The following DNAH2 variants were observed in gnomAD, a reference collection of about 807,000 sequenced individuals.
DNAH2 encodes dynein axonemal heavy chain 2, also known as axonemal beta dynein heavy chain 2.
DNAH2 carries 323 observed loss-of-function variants against 523.5 expected under a neutral mutation model. The observed-to-expected ratio is 0.62, with a 90% CI of 0.56 to 0.68. The LOEUF (loss-of-function observed/expected upper bound fraction) is 0.68. Among genes scored for constraint, DNAH2 ranks in the 30% least tolerant of loss-of-function variants. DNAH2 has a pLI of 0.00. For synonymous variants in DNAH2, 2,093 were observed against 2,177.4 expected (o/e 0.96, Z 1.08); for missense variants, 4,907 against 5,701.5 (o/e 0.86, Z 4.49).
Position 7,758,363 on chromosome 17 carries a change from A to G in DNAH2, c.2052-132A>G, listed in dbSNP as rs1003296418. 5 of 1,160,952 alleles carry G rather than the reference A, an allele frequency of 4.3e-6. No individual in the cohort carries two copies. The African/African-American group carries it at 6.3e-5, about 15-fold the overall frequency. The allele number at this position is 1,160,952 out of a possible 1,614,324, so 71.9% of individuals were successfully genotyped here. On this transcript the variant is annotated intron_variant, in intron 13 of 85. Coordinates refer to ENST00000572933, the MANE Select transcript of DNAH2 (RefSeq NM_020877.5). ...CATTGCAAAAAGTTCTTTTGGAAGT[A>G]CTAGTCTAGAATCTAGTCTAGAATC...
rs1195211527 is a variant in DNAH2, at chr17:7,792,859, T to G, written c.7344+4T>G. On this transcript the variant is annotated splice_donor_region_variant and intron_variant, in intron 47 of 85. Transcript: ENST00000572933. ...CGTTGTCAACATGTCCGCACAGGTG[T>G]GTCGGGGATCCAGGGGCCAGGCTGC... 6.2e-7 allele frequency: 1 copy of G among 1,609,412 alleles called. No individual in the cohort carries two copies. Among genetic ancestry groups the G allele is most frequent in the Non-Finnish European group, 8.5e-7 (1 of 1,176,068 alleles).
chr17:7,719,348 C>T (rs1007863165), intron 1 of DNAH2, among the ~76,000 whole-genome samples: 2 of 152,068 alleles, frequency 1.3e-5, no homozygotes, highest in African/African-American at 2.4e-5. Context: ...AGGCTGGTCT[C>T]GAACTCCTGA....
At chr17:7,770,503 T>C in intron 25 of DNAH2, 54 bp from the exon 26 acceptor site, 2 of 1,613,322 alleles carry the variant, frequency 1.2e-6, no homozygotes, top group Non-Finnish European at 8.5e-7. Context: ...TCAGCTCCTG[T>C]TCCCCTTAGT....
intron 4 of DNAH2, among the ~76,000 whole-genome samples, chr17:7,732,241 C>T (rs1414999958): frequency 6.6e-6 from 1 of 151,602 alleles, no homozygotes; most frequent in Non-Finnish European, 1.5e-5. Context: ...TTGAGACCAG[C>T]CTGGCCAACC....
At chr17:7,783,504 A>G (rs1370152273) in intron 39 of DNAH2, among the ~76,000 whole-genome samples, 2 of 152,028 alleles carry the variant, frequency 1.3e-5, no homozygotes, top group Admixed American at 6.6e-5. Flanking sequence ...TGGGGGCAAA[A>G]CAAAAACAAA....
rs773894567 is a variant in DNAH2 at position 7,719,811 on chromosome 17, C to T, written c.77C>T (p.Thr26Ile). The T allele has an allele frequency of 3.7e-6, 6 of 1,613,018 alleles. No homozygotes were observed. Among genetic ancestry groups the T allele is most frequent in the Non-Finnish European group, 5.1e-6 (6 of 1,179,532 alleles). ...CAGGCAAGCTGGTCAGGGCGGGCCACTCGGGCTGCTGTGGCCACACAGGAG... is the reference window on the plus strand; with the variant it reads ...CAGGCAAGCTGGTCAGGGCGGGCCATTCGGGCTGCTGTGGCCACACAGGAG... ...SSQASWSGRA[T>I]RAAVATQEQG... Residue 26 changes from threonine (T) to isoleucine (I), a missense_variant, in exon 2 of 86, where the codon ACT becomes ATT. Physicochemically the swap from Thr to Ile is moderately conservative, Grantham distance 89. Around this residue, in one of 3 missense-constraint regions of DNAH2, gnomAD observed 2,806 missense variants for 3,190.8 expected, o/e 0.88. Coordinates refer to ENST00000572933, the MANE Select transcript of DNAH2 (RefSeq NM_020877.5).
At chr17:7,732,327 C>T (rs904250131) in intron 4 of DNAH2, among the ~76,000 whole-genome samples, 9 of 148,978 alleles carry the variant, frequency 6.0e-5, no homozygotes, top group Admixed American at 2.7e-4. Context: ...CCCAGATACT[C>T]GGGAGGCTGA....
Position 7,723,695 on chromosome 17 carries a change from C to G in DNAH2, c.228+6C>G, listed in dbSNP as rs373221666. ...TGGAGCCCGAGGCAGATGTGGTAGG[C>G]TTGGGTCTTCCCTGTGGCAGATATT... is the stretch of plus-strand genomic sequence containing the variant. On this transcript the variant is annotated splice_donor_region_variant and intron_variant, in intron 3 of 85. Coordinates refer to ENST00000572933, the MANE Select transcript of DNAH2 (RefSeq NM_020877.5). 2 of 1,613,546 alleles carry G rather than the reference C, an allele frequency of 1.2e-6. No homozygotes were observed.
chr17:7,826,663 C>T (rs983718816), intron 77 of DNAH2, among the ~76,000 whole-genome samples: 6 of 151,142 alleles, frequency 4.0e-5, no homozygotes, highest in African/African-American at 1.2e-4. Context: ...CCTCAGCCTC[C>T]GAGTAGCTGG....
chr17:7,820,326 C>T (rs1224177690), intron 72 of DNAH2, among the ~76,000 whole-genome samples: 1 of 152,172 alleles, frequency 6.6e-6, no homozygotes, highest in Non-Finnish European at 1.5e-5. Context: ...TATTGCCCAC[C>T]TGAACAAATC....
chr17:7,736,977 C>T (rs1181621293), intron 7 of DNAH2, 90 bp from the exon 8 acceptor site: 3 of 1,154,308 alleles, frequency 2.6e-6, no homozygotes, highest in African/African-American at 3.2e-5. Flanking sequence ...AGTAAAACTC[C>T]ATCTAAAATA....
chr17:7,826,426 A>G (rs1353227569), intron 77 of DNAH2, among the ~76,000 whole-genome samples: 3 of 152,120 alleles, frequency 2.0e-5, no homozygotes, highest in Non-Finnish European at 4.4e-5. Context: ...ACTTCCTGCT[A>G]TCCAGTCTTT....
chr17:7,821,426 C>A lies in DNAH2; in HGVS notation c.11142+57C>A. 1 of 1,563,174 alleles carries A rather than the reference C, an allele frequency of 6.4e-7. No individual in the cohort carries two copies. Among genetic ancestry groups the A allele is most frequent in the Non-Finnish European group, 8.7e-7 (1 of 1,151,176 alleles). On this transcript the variant is annotated intron_variant, in intron 73 of 85. Transcript: ENST00000572933. The surrounding 1 kb of genome is among the most constrained non-coding windows in gnomAD (Gnocchi z 5.0). The stretch of plus-strand genomic sequence containing the variant: ...GGATGGTCAAGGTTGGGGATGAGGG[C>A]AAGTGTGACAAGGACTCCAGACCCA...
At position 7,807,282 on chromosome 17, in the gene DNAH2, C is replaced by A; in HGVS notation, c.9575C>A (p.Ala3192Asp). Residue 3192 changes from alanine to aspartate, a missense_variant, in exon 62 of 86, where the codon GCT becomes GAT. Physicochemically the swap from Ala to Asp is moderately radical, Grantham distance 126. Coordinates refer to ENST00000572933, the MANE Select transcript of DNAH2 (RefSeq NM_020877.5). The surrounding 1 kb of genome is among the most constrained non-coding windows in gnomAD (Gnocchi z 5.6). ...GATATCATCGGCCGCGTCTCCCTGG[C>A]TGCCAAGTCCCTCTGCATGTGGGTG... Reference protein sequence around the residue: ...QPDIIGRVSLAAKSLCMWVRA... With the variant: ...QPDIIGRVSLDAKSLCMWVRA... The A allele has an allele frequency of 5.6e-6, 9 of 1,613,824 alleles. No individual in the cohort carries two copies. Among genetic ancestry groups the A allele is most frequent in the Non-Finnish European group, 7.6e-6 (9 of 1,180,024 alleles).
Position 7,786,712 on chromosome 17 carries a change from G to C in DNAH2, c.6466+25G>C. ...GGTATCCAGAGGATCGTGGGGTGTG[G>C]AGAGCAGACGCCTGAGTCTCCTAAG... is the stretch of plus-strand genomic sequence containing the variant. On this transcript the variant is annotated intron_variant, in intron 41 of 85. Transcript: ENST00000572933. This position sits in a 1 kb window ranked among gnomAD's most constrained non-coding sequence, Gnocchi z 7.5. 1 of 1,610,738 alleles carries C rather than the reference G, an allele frequency of 6.2e-7. No homozygotes were observed. Among genetic ancestry groups the C allele is most frequent in the Non-Finnish European group, 8.5e-7 (1 of 1,177,520 alleles).
chr17:7,831,483 C>G lies in DNAH2; in HGVS notation c.12553C>G (p.Leu4185Val), dbSNP rs1293826525. ...QKLLALDPSP[L>V]NVVLLQEIQR... ...ACTGCTAGCTCTCGACCCCTCCCCC[C>G]TCAATGTGGTCCTTCTGCAGGAGAT... The change falls in exon 81 of 86, where the codon CTC becomes GTC. Residue 4185 changes from leucine (L) to valine (V), a missense_variant. Transcript: ENST00000572933. This position sits in a 1 kb window ranked among gnomAD's most constrained non-coding sequence, Gnocchi z 4.2. The G allele has an allele frequency of 3.1e-6, 5 of 1,614,180 alleles. No individual in the cohort carries two copies. Among genetic ancestry groups the G allele is most frequent in the Admixed American group, 1.7e-5 (1 of 60,014 alleles).
At position 7,817,889 on chromosome 17, in the gene DNAH2, C is replaced by CT. The variant is rs746763073; in HGVS notation, c.10236+35dup. 1.9e-6 allele frequency: 3 copies of CT among 1,612,714 alleles called. No homozygotes were observed. In the South Asian group the frequency reaches 3.3e-5, roughly 18 times the overall value. ...GCTGGGGGGTCAGGTTAGCCCCCCCCTTCCTGAGGCCCCACCTCTCCCGTA... is the reference window on the plus strand; with the variant it reads ...GCTGGGGGGTCAGGTTAGCCCCCCCCTTTCCTGAGGCCCCACCTCTCCCGTA... On this transcript the variant is annotated intron_variant, in intron 67 of 85. Transcript: ENST00000572933.
rs761542509 is a variant in DNAH2 at position 7,804,440 on chromosome 17, A to G, written c.9157A>G (p.Lys3053Glu). 1 of 1,613,948 alleles carries G rather than the reference A, an allele frequency of 6.2e-7. No individual in the cohort carries two copies. The highest frequency in any genetic ancestry group is 8.5e-7 in the Non-Finnish European group (1 of 1,180,032). The part of the protein sequence containing the change: ...EEYLVIIVQQ[K>E]READEQQKAV... Reference sequence around the variant, plus strand: ...GTACCTGGTCATCATTGTGCAGCAGAAGCGGGAGGCAGATGAGCAGCAGAA... The same window carrying G: ...GTACCTGGTCATCATTGTGCAGCAGGAGCGGGAGGCAGATGAGCAGCAGAA... The change falls in exon 59 of 86, where the codon AAG becomes GAG. Residue 3053 changes from lysine to glutamate, a missense_variant. Around this residue, in one of 3 missense-constraint regions of DNAH2, gnomAD observed 1,851 missense variants for 2,139.4 expected, o/e 0.87. Coordinates refer to ENST00000572933, the MANE Select transcript of DNAH2 (RefSeq NM_020877.5).
At chr17:7,779,812 G>C (rs2076554756) in intron 36 of DNAH2, among the ~76,000 whole-genome samples, 1 of 152,186 alleles carries the variant, frequency 6.6e-6, no homozygotes, top group Non-Finnish European at 1.5e-5. Flanking sequence ...ACAGGGATAG[G>C]AAAGGGTTTA....
Sources: gnomAD v4.1 joint callset for allele counts (sites outside exome capture counted in the v4.1 genomes callset) on GRCh38, gnomAD v4.1.1 for gene constraint, gnomAD v4.1.1 regional missense constraint, Gnocchi (gnomAD v3.1) non-coding constraint, MANE v1.5 for transcripts, NCBI Gene and HGNC (gene_info 2026-07-23, HGNC 2026-07-21) for gene names.